IL7: variants seen among roughly 807,000 people sequenced by gnomAD.
The protein encoded by IL7 is interleukin 7.
A neutral mutation model predicts 21.6 loss-of-function variants in IL7; 3 were observed. The ratio of observed to expected loss-of-function variants is 0.14; its 90% CI spans 0.06 to 0.36. The LOEUF (loss-of-function observed/expected upper bound fraction) is 0.36. Among genes scored for constraint, IL7 ranks in the 10% least tolerant of loss-of-function variants. The pLI is 1.00. For missense variants in IL7, 175 were observed against 200.2 expected (o/e 0.87, Z 0.76); for synonymous variants, 62 against 68.1 (o/e 0.91, Z 0.44).
At chr8:78,783,376 AT>A (rs1400900356) in intron 2 of IL7, among the ~76,000 whole-genome samples, 12 of 152,126 alleles carry the variant, frequency 7.9e-5, no homozygotes, top group African/African-American at 2.9e-4. Flanking sequence ...CAGGTGGGCC[AT>A]TACTCCACTC....
intron 4 of IL7, among the ~76,000 whole-genome samples, chr8:78,738,017 TA>T (rs1472598718): frequency 6.6e-6 from 1 of 152,126 alleles, no homozygotes; most frequent in Non-Finnish European, 1.5e-5. Flanking sequence ...AGTAGAAAAG[TA>T]GGAAAATATT....
chr8:78,800,127 C>T (rs1192869045), intron 1 of IL7, among the ~76,000 whole-genome samples: 2 of 152,114 alleles, frequency 1.3e-5, no homozygotes, highest in South Asian at 2.1e-4. Flanking sequence ...CCTGTATGTC[C>T]ATCTGTACCA....
Position 78,699,649 on chromosome 8 carries a change from G to A in IL7, n.215-13702C>T, listed in dbSNP as rs143868247. Among the ~76,000 whole-genome samples the A allele has an allele frequency of 2.9e-3, 439 of 152,052 alleles. 1 individual carries two copies. The highest frequency in any genetic ancestry group is 7.8e-3 in the Admixed American group (119 of 15,260). On this transcript the variant is annotated intron_variant and non_coding_transcript_variant, in intron 3 of 4. Coordinates refer to the IL7 transcript ENST00000523959. ...TCCACCCTCCAAAAGACTCCAGTAC[G>A]TGTTGTTCCCCTCTATGTGTCCATG...
intron 1 of IL7, among the ~76,000 whole-genome samples, chr8:78,800,148 C>T (rs1177398587): frequency 6.6e-6 from 1 of 152,136 alleles, no homozygotes; most frequent in Non-Finnish European, 1.5e-5. Flanking sequence ...CTGTTTAGCT[C>T]CCAGTTATAA....
At chr8:78,717,219 A>C (rs1811133942), downstream of IL7, 1 of 997,756 alleles carries the variant, frequency 1.0e-6, no homozygotes, top group Admixed American at 3.1e-5. Context: ...AATATTAAAA[A>C]CGAGATTAAG....
At chr8:78,675,813 G>A (rs1477363243) in exon 5 of IL7, 3 of 1,609,496 alleles carry the variant, frequency 1.9e-6, no homozygotes, top group East Asian at 4.5e-5. Flanking sequence ...CCAAGTTGGA[G>A]AATTGTTACC....
rs56023106 is a variant in IL7, at chr8:78,707,931, C to G, written n.214+13417G>C. Among the ~76,000 whole-genome samples the G allele has an allele frequency of 3.2e-3, 476 of 150,866 alleles. 2 individuals carry two copies. The highest frequency in any genetic ancestry group is 0.011 in the African/African-American group (462 of 41,032). On this transcript the variant is annotated intron_variant and non_coding_transcript_variant, in intron 3 of 4. Coordinates refer to the IL7 transcript ENST00000523959. ...ATTGTAAGCTCCATGATGGCAAAGA[C>G]TATGTCTGCCTTGCTTCCATTTGTA...
intron 4 of IL7, chr8:78,679,402 T>C (rs1259745751): frequency 6.6e-6 from 1 of 152,216 alleles, no homozygotes; most frequent in African/African-American, 2.4e-5. Flanking sequence ...CATCCTCCCA[T>C]GTGCTTTATG....
At chr8:78,759,793 C>A (rs1345868662) in intron 2 of IL7, among the ~76,000 whole-genome samples, 1 of 152,262 alleles carries the variant, frequency 6.6e-6, no homozygotes, top group East Asian at 1.9e-4. Context: ...TCCCACACCT[C>A]TTCAAAATAT....
intron 3 of IL7, chr8:78,724,264 G>C (rs1811302084): frequency 6.6e-6 from 1 of 151,984 alleles, no homozygotes; most frequent in Admixed American, 6.6e-5. Context: ...TTACTCCATA[G>C]AGCATAGAAT....
chr8:78,708,683 CTTT>C (rs1192881506), intron 3 of IL7, among the ~76,000 whole-genome samples: 2 of 121,036 alleles, frequency 1.7e-5, no homozygotes. Context: ...TTTTTTTTTT[CTTT>C]TTTTTTTTTT....
At chr8:78,684,149 G>A (rs1229471933) in intron 4 of IL7, among the ~76,000 whole-genome samples, 2 of 152,132 alleles carry the variant, frequency 1.3e-5, no homozygotes, top group African/African-American at 2.4e-5. Context: ...ACATTTTGGG[G>A]TATCTTAATA....
At chr8:78,771,831 A>G (rs1362969951) in intron 2 of IL7, among the ~76,000 whole-genome samples, 4 of 152,050 alleles carry the variant, frequency 2.6e-5, no homozygotes, top group Non-Finnish European at 4.4e-5. Flanking sequence ...TGTTGCAGCC[A>G]CTGCTACAAA....
intron 2 of IL7, among the ~76,000 whole-genome samples, chr8:78,778,416 T>C (rs1813204303): frequency 6.6e-6 from 1 of 152,070 alleles, no homozygotes; most frequent in South Asian, 2.1e-4. Flanking sequence ...TCATTCAGAT[T>C]TGAGTTGACA....
intron 2 of IL7, among the ~76,000 whole-genome samples, chr8:78,754,093 A>AG (rs1397007372): frequency 6.6e-6 from 1 of 152,190 alleles, no homozygotes; most frequent in Non-Finnish European, 1.5e-5. Flanking sequence ...AAATAGGAAG[A>AG]GAGGATGTGA....
intron 3 of IL7, among the ~76,000 whole-genome samples, chr8:78,691,256 T>G (rs972143281): frequency 7.1e-6 from 1 of 141,546 alleles, no homozygotes; most frequent in Non-Finnish European, 1.5e-5. Flanking sequence ...TCTTTAGTTT[T>G]GCCAGCTTTT....
rs1017562178 is a variant in IL7 at position 78,676,139 on chromosome 8, C to A, written n.274-35G>T. On this transcript the variant is annotated intron_variant and non_coding_transcript_variant, in intron 4 of 4. Transcript: ENST00000523959. ...AACAAACAAAATAAAAAAAAAAAAA[C>A]AAAATCAGATACCTTAGAAATAAGT... 2.9e-3 allele frequency: 666 copies of A among 230,196 alleles called. 4 individuals are homozygous for A. The highest frequency in any genetic ancestry group is 4.1e-3 in the Admixed American group (71 of 17,258). 14.3% of individuals were successfully genotyped at this position (230,196 alleles called of 1,614,324 possible).
chr8:78,801,541 C>T (rs1007702109), intron 1 of IL7, among the ~76,000 whole-genome samples: 2 of 151,976 alleles, frequency 1.3e-5, no homozygotes, highest in East Asian at 1.9e-4. Flanking sequence ...AAGCCATGGC[C>T]GTGAGCCACG....
At chr8:78,750,737 TG>T (rs1812139734) in intron 2 of IL7, among the ~76,000 whole-genome samples, 1 of 152,226 alleles carries the variant, frequency 6.6e-6, no homozygotes, top group Admixed American at 6.5e-5. Flanking sequence ...GGCAGGAGAA[TG>T]GCGTGAACCT....
Sources: gnomAD v4.1 joint callset for allele counts (sites outside exome capture counted in the v4.1 genomes callset) on GRCh38, gnomAD v4.1.1 for gene constraint, MANE v1.5 for transcripts, NCBI Gene and HGNC (gene_info 2026-07-23, HGNC 2026-07-21) for gene names.